ZNF658: variants seen among roughly 807,000 people sequenced by gnomAD.
ZNF658 encodes the protein zinc finger protein 658.
Under a neutral mutation model 78.0 loss-of-function variants are expected in ZNF658, and 46 were observed. That is an observed-to-expected ratio of 0.59 (90% CI 0.47 to 0.75). The LOEUF (loss-of-function observed/expected upper bound fraction) is 0.75. Ranked by LOEUF, ZNF658 falls within the 30% of genes least tolerant of loss-of-function variation. The pLI is 0.00. For synonymous variants in ZNF658, 279 were observed against 408.4 expected, an observed-to-expected ratio of 0.68 and a Z score of 3.82; for missense variants, 785 against 1,189.3, an observed-to-expected ratio of 0.66 and a Z score of 5.00.
chr9:66,908,796 T>A (rs1813417796), intron 4 of ZNF658, 62 bp downstream of exon 4: 2 of 1,389,736 alleles, frequency 1.4e-6, no homozygotes, highest in Middle Eastern at 1.8e-4. Flanking sequence ...GGAGAGCACC[T>A]TTGAAAGTTT....
intron 6 of ZNF658, chr9:66,931,933 G>T (rs1229885824): frequency 1.3e-5 from 2 of 151,712 alleles, no homozygotes; most frequent in Admixed American, 6.6e-5. Context: ...ACTTAATGAG[G>T]CTAAGTTGAA....
intron 2 of ZNF658, among the ~76,000 whole-genome samples, chr9:66,903,976 A>C (rs893344803): frequency 7.9e-5 from 12 of 152,154 alleles, no homozygotes; most frequent in Admixed American, 6.5e-4. Flanking sequence ...TTACTTCCTC[A>C]ATAGAAGTAG....
downstream of ZNF658, among the ~76,000 whole-genome samples, chr9:66,925,796 C>G (rs1318207413): frequency 6.6e-6 from 1 of 151,576 alleles, no homozygotes; most frequent in South Asian, 2.1e-4. Context: ...AAAAAGAAAA[C>G]TACAGGTCTA....
chr9:66,925,727 C>T (rs1822580155), downstream of ZNF658, among the ~76,000 whole-genome samples: 1 of 152,040 alleles, frequency 6.6e-6, no homozygotes, highest in Non-Finnish European at 1.5e-5. Flanking sequence ...GAGAATATTT[C>T]CAAACTCATT....
At chr9:66,927,115 G>T (rs1238762847) in intron 6 of ZNF658, among the ~76,000 whole-genome samples, 1 of 152,028 alleles carries the variant, frequency 6.6e-6, no homozygotes, top group Non-Finnish European at 1.5e-5. Context: ...AGAAAACACT[G>T]GGAAAAAGAT....
At chr9:66,909,032 T>C (rs543546446) in intron 4 of ZNF658, among the ~76,000 whole-genome samples, 1 of 152,306 alleles carries the variant, frequency 6.6e-6, no homozygotes, top group African/African-American at 2.4e-5. Context: ...GCATAATTAA[T>C]ATGGTGATGA....
chr9:66,906,659 CA>C (rs1469542197), intron 2 of ZNF658, among the ~76,000 whole-genome samples: 1 of 151,938 alleles, frequency 6.6e-6, no homozygotes, highest in African/African-American at 2.4e-5. Context: ...AGGCTTTGGC[CA>C]ACCTGTGACC....
intron 2 of ZNF658, among the ~76,000 whole-genome samples, chr9:66,907,427 T>C (rs1232618331): frequency 3.9e-5 from 6 of 152,144 alleles, no homozygotes; most frequent in Non-Finnish European, 8.8e-5. Flanking sequence ...ATTCTAGTCA[T>C]CATCCTGTGC....
intron 6 of ZNF658, among the ~76,000 whole-genome samples, chr9:66,930,369 G>A (rs1455472437): frequency 7.0e-6 from 1 of 143,766 alleles, no homozygotes; most frequent in Non-Finnish European, 1.5e-5. Context: ...TGACCTGCAT[G>A]TGTAGCATCT....
At chr9:66,925,766 A>G (rs986419246), downstream of ZNF658, among the ~76,000 whole-genome samples, 20 of 152,194 alleles carry the variant, frequency 1.3e-4, no homozygotes, top group African/African-American at 4.6e-4. Flanking sequence ...GTGAATTTAA[A>G]GACAGACAAA....
chr9:66,914,713 T>TA (rs916353944), intron 4 of ZNF658, among the ~76,000 whole-genome samples: 1 of 152,150 alleles, frequency 6.6e-6, no homozygotes, highest in African/African-American at 2.4e-5. Flanking sequence ...AAATGCAGCA[T>TA]AAAAACTATA....
intron 2 of ZNF658, among the ~76,000 whole-genome samples, chr9:66,907,134 T>A (rs200317322): frequency 5.3e-5 from 8 of 151,666 alleles, no homozygotes; most frequent in African/African-American, 1.9e-4. Flanking sequence ...TGTTTTTGGT[T>A]CTTTTCTTTC....
rs1050021239 is a variant in ZNF658, at chr9:66,903,530, A to G, written c.-32A>G. 2.5e-6 allele frequency: 4 copies of G among 1,608,012 alleles called. No homozygotes were observed. In the African/African-American group the frequency reaches 5.4e-5, roughly 22 times the overall value. ...TCCTCCTCCCCAGCTGAACCTCCAC[A>G]GTCCTCTACACTCTTCCAGGAGCAG... is the stretch of plus-strand genomic sequence containing the variant. On this transcript the variant is annotated 5_prime_UTR_variant, in exon 2 of 5. Transcript: ENST00000621410.
At position 66,918,570 on chromosome 9, in the gene ZNF658, G is replaced by A. The variant is rs1432290006; in HGVS notation, c.1004G>A (p.Ser335Asn). 3 of 1,608,090 alleles carry A rather than the reference G, an allele frequency of 1.9e-6. No individual in the cohort carries two copies. Among genetic ancestry groups the A allele is most frequent in the African/African-American group, 1.3e-5 (1 of 74,590 alleles). The change falls in exon 5 of 5, where the codon AGC becomes AAC. Residue 335 changes from serine to asparagine, a missense_variant. By Grantham distance (46) the Ser-to-Asn change is conservative. Around this residue, in one of 12 missense-constraint regions of ZNF658, gnomAD observed 393 missense variants for 400.2 expected, o/e 0.98. Transcript: ENST00000621410. ...FESNKCEENF[S>N]QSSAHIVHQK... is the part of the protein sequence containing the mutation. The stretch of plus-strand genomic sequence containing the variant: ...AGCAATAAATGTGAAGAAAATTTTA[G>A]CCAGAGCTCAGCCCATATAGTACAT...
At chr9:66,930,764 A>G (rs1314938106) in intron 6 of ZNF658, among the ~76,000 whole-genome samples, 1 of 151,520 alleles carries the variant, frequency 6.6e-6, no homozygotes, top group Admixed American at 6.6e-5. Flanking sequence ...TTCTTAACCT[A>G]TAAGAGCAAT....
intron 4 of ZNF658, among the ~76,000 whole-genome samples, chr9:66,915,314 T>C (rs1822310020): frequency 6.6e-6 from 1 of 152,070 alleles, no homozygotes; most frequent in Non-Finnish European, 1.5e-5. Context: ...ACATAGAATA[T>C]ATTCTCTGTG....
rs1587352990 is a variant in ZNF658, at chr9:66,903,506, C to T, written c.-44-12C>T. The T allele has an allele frequency of 6.4e-7, 1 of 1,566,840 alleles. No individual in the cohort carries two copies. The highest frequency in any genetic ancestry group is 8.8e-7 in the Non-Finnish European group (1 of 1,140,914). ...GTCTCTCATGACCCCACTGCTCTTT[C>T]CTCCTCCCCAGCTGAACCTCCACAG... On this transcript the variant is annotated splice_polypyrimidine_tract_variant and intron_variant, in intron 1 of 4. Coordinates refer to ENST00000621410, the MANE Select transcript of ZNF658 (RefSeq NM_033160.7).
Position 66,911,030 on chromosome 9 carries a change from C to T in ZNF658, c.238+2296C>T, listed in dbSNP as rs900522688. 4.1e-5 allele frequency among the ~76,000 whole-genome samples: 6 copies of T among 147,036 alleles called. No individual in the cohort carries two copies. The Admixed American group carries it at 4.1e-4, about 10-fold the overall frequency. ...ACATAAAATAATGGAGTTCTAAGAA[C>T]TTAAAACTCATTAGAATTAGGACAT... On this transcript the variant is annotated intron_variant, in intron 4 of 4. Transcript: ENST00000621410.
intron 4 of ZNF658, among the ~76,000 whole-genome samples, chr9:66,915,147 C>G (rs1442200814): frequency 2.0e-5 from 3 of 151,544 alleles, no homozygotes; most frequent in Non-Finnish European, 4.4e-5. Flanking sequence ...TTTACATATG[C>G]AAACATAGTT....
Sources: gnomAD v4.1 joint callset for allele counts (sites outside exome capture counted in the v4.1 genomes callset) on GRCh38, gnomAD v4.1.1 for gene constraint, gnomAD v4.1.1 regional missense constraint, MANE v1.5 for transcripts, NCBI Gene and HGNC (gene_info 2026-07-23, HGNC 2026-07-21) for gene names.